Variants in AGAP3 observed in about 807,000 individuals in gnomAD.
AGAP3 encodes the protein arf-GAP with GTPase, ANK repeat and PH domain-containing protein 3.
In AGAP3, 24 loss-of-function variants were observed where a neutral mutation model predicts 96.9. That is an observed-to-expected ratio of 0.25 (90% CI 0.18 to 0.35). The LOEUF is 0.35. AGAP3 is among the 10% of genes least tolerant of loss of function. The pLI, the probability that AGAP3 is intolerant of heterozygous loss-of-function variation, is 1.00. For synonymous variants in AGAP3, 563 were observed against 536.1 expected (o/e 1.05, Z -0.69); for missense variants, 876 against 1,254.2 (o/e 0.70, Z 4.55).
In AGAP3 at chr7:151,116,833, C is replaced by A. The variant is rs368600470; in HGVS notation, c.372C>A (p.Ser124=). 6.2e-7 allele frequency: 1 copy of A among 1,613,960 alleles called. No homozygotes were observed. The highest frequency in any genetic ancestry group is 8.5e-7 in the Non-Finnish European group (1 of 1,180,012). ...VNSQEWTLSR[S]VPELKVGIVG... is the part of the protein sequence containing the mutation. ...GCCAGGAGTGGACGCTGAGCCGCTC[C>A]GTACCGGAGCTTAAAGTGGTGAGTG... is the stretch of plus-strand genomic sequence containing the variant. Residue 124 remains serine (S), a synonymous_variant, in exon 2 of 18, where the codon TCC becomes TCA. Coordinates refer to ENST00000397238, the MANE Select transcript of AGAP3 (RefSeq NM_031946.7).
At chr7:151,123,434 G>C (rs1461634538) in intron 8 of AGAP3, 4 of 1,121,370 alleles carry the variant, frequency 3.6e-6, no homozygotes, top group Non-Finnish European at 4.4e-6. Flanking sequence ...TGGACTTTGC[G>C]CTCCCGGTTG....
At chr7:151,124,661 C>T (rs1323197737) in intron 9 of AGAP3, among the ~76,000 whole-genome samples, 1 of 152,160 alleles carries the variant, frequency 6.6e-6, no homozygotes, top group African/African-American at 2.4e-5. Context: ...TGGCCAGAGC[C>T]CCTGAGCCTG....
At chr7:151,099,295 A>T (rs1798741098) in intron 1 of AGAP3, among the ~76,000 whole-genome samples, 1 of 150,820 alleles carries the variant, frequency 6.6e-6, no homozygotes, top group Admixed American at 6.6e-5. Flanking sequence ...GTGAGCCGAG[A>T]TCACGCCACT....
intron 8 of AGAP3, chr7:151,122,679 G>C: frequency 6.2e-7 from 1 of 1,611,310 alleles, no homozygotes; most frequent in Non-Finnish European, 8.5e-7. Context: ...CTTGTGCGGG[G>C]CTTGAGTATA....
chr7:151,130,224 C>T (rs1002933014), intron 10 of AGAP3, among the ~76,000 whole-genome samples: 1 of 152,182 alleles, frequency 6.6e-6, no homozygotes, highest in Admixed American at 6.5e-5. Context: ...TGTCTGTGCC[C>T]TCTGCCAACA....
intron 2 of AGAP3, 56 bp from the exon 3 acceptor site, chr7:151,117,039 G>T (rs1208179070): frequency 1.9e-6 from 3 of 1,565,098 alleles, no homozygotes; most frequent in Non-Finnish European, 2.6e-6. Context: ...TTCCTGCTGG[G>T]TCTTCTCCCT....
In AGAP3 at chr7:151,114,696, CCGGCCG is replaced by C; in HGVS notation, c.332-2091_332-2086del. 3.0e-6 allele frequency: 3 copies of C among 994,866 alleles called. No homozygotes were observed. Among genetic ancestry groups the C allele is most frequent in the South Asian group, 9.3e-5 (2 of 21,470 alleles). The allele number at this position is 994,866 out of a possible 1,614,324, so 61.6% of individuals were successfully genotyped here. On this transcript the variant is annotated intron_variant, in intron 1 of 17. Transcript: ENST00000397238. This position sits in a 1 kb window ranked among gnomAD's most constrained non-coding sequence, Gnocchi z 4.4. ...CCCAGAGGCCGGAGGTCCGTGCGCC[CCGGCCG>C]CGGCCCCGGCCCGGGCCCAGCCCCG...
chr7:151,133,037 C>T lies in AGAP3; in HGVS notation c.1327-1363C>T, dbSNP rs554928629. Among the ~76,000 whole-genome samples the T allele has an allele frequency of 5.3e-5, 8 of 152,232 alleles. No individual in the cohort carries two copies. In the East Asian group the frequency reaches 1.4e-3, roughly 26 times the overall value. On this transcript the variant is annotated intron_variant, in intron 10 of 17. Coordinates refer to ENST00000397238, the MANE Select transcript of AGAP3 (RefSeq NM_031946.7). The surrounding 1 kb of genome is among the most constrained non-coding windows in gnomAD (Gnocchi z 5.4). ...GCCGGGCTCCTCAGGGTAGGAGGAG[C>T]GCGTCTGGGAAGGCTCGTCGCACGG...
In AGAP3 at chr7:151,138,333, C is replaced by G. The variant is rs764650638; in HGVS notation, c.1666+20C>G. On this transcript the variant is annotated intron_variant, in intron 12 of 17. Coordinates refer to ENST00000397238, the MANE Select transcript of AGAP3 (RefSeq NM_031946.7). ...ACCCTGGTGAGTGGTGGCTCTGCTG[C>G]TTCCCACCTTTTCTGGGGCCCCAGT... 2 of 1,590,316 alleles carry G rather than the reference C, an allele frequency of 1.3e-6. No individual in the cohort carries two copies. The highest frequency in any genetic ancestry group is 1.7e-6 in the Non-Finnish European group (2 of 1,166,034).
In AGAP3 at chr7:151,108,241, C is replaced by A. The variant is rs1162550890; in HGVS notation, c.332-8552C>A. Among the ~76,000 whole-genome samples, 1 of 152,202 alleles carries A rather than the reference C, an allele frequency of 6.6e-6. No individual in the cohort carries two copies. Among genetic ancestry groups the A allele is most frequent in the Non-Finnish European group, 1.5e-5 (1 of 68,036 alleles). ...GTCCTGTCCACCATTGCACCCAGCACAGAGCTCATGGATAGACAGGAAAAC... is the reference window on the plus strand; with the variant it reads ...GTCCTGTCCACCATTGCACCCAGCAAAGAGCTCATGGATAGACAGGAAAAC... On this transcript the variant is annotated intron_variant, in intron 1 of 17. Transcript: ENST00000397238. This position sits in a 1 kb window ranked among gnomAD's most constrained non-coding sequence, Gnocchi z 4.2.
chr7:151,138,043 T>C (rs1800669073), intron 11 of AGAP3, 100 bp from the exon 12 acceptor site: 1 of 949,384 alleles, frequency 1.1e-6, no homozygotes, highest in Non-Finnish European at 1.6e-6. Context: ...CCCTGCTGAA[T>C]GTCTCAGGCT....
rs1800466499 is a variant in AGAP3 at position 151,133,248 on chromosome 7, A to G, written c.1327-1152A>G. ...ACTTTACCAAGGGCATTGGCTAGGA[A>G]TTGCCGTGGAGCTCAGGGACAGTGA... On this transcript the variant is annotated intron_variant, in intron 10 of 17. Transcript: ENST00000397238. The surrounding 1 kb of genome is among the most constrained non-coding windows in gnomAD (Gnocchi z 5.4). 2.0e-5 allele frequency among the ~76,000 whole-genome samples: 3 copies of G among 152,208 alleles called. No homozygotes were observed. Among genetic ancestry groups the G allele is most frequent in the African/African-American group, 7.2e-5 (3 of 41,448 alleles).
chr7:151,100,950 C>G (rs1798812773), intron 1 of AGAP3, among the ~76,000 whole-genome samples: 1 of 152,252 alleles, frequency 6.6e-6, no homozygotes, highest in Non-Finnish European at 1.5e-5. Context: ...GCAGCCCTGG[C>G]CTGGTGGGTG....
Position 151,144,268 on chromosome 7 carries a change from T to G in AGAP3, c.*325T>G. ...CCTAGTGCCAGCCCCTCACACGCCT[T>G]CATCCTGAAACAGGAAGAGGACGGC... is the stretch of plus-strand genomic sequence containing the variant. On this transcript the variant is annotated 3_prime_UTR_variant, in exon 18 of 18. Transcript: ENST00000397238. The G allele has an allele frequency of 2.8e-6, 1 of 360,438 alleles. No individual in the cohort carries two copies. Among genetic ancestry groups the G allele is most frequent in the East Asian group, 5.1e-5 (1 of 19,482 alleles). The allele number at this position is 360,438 out of a possible 1,614,324, so 22.3% of individuals were successfully genotyped here.
At chr7:151,115,353 C>T in intron 1 of AGAP3, 1 of 1,021,694 alleles carries the variant, frequency 9.8e-7, no homozygotes, top group Non-Finnish European at 1.2e-6. Flanking sequence ...CTTCCGCCTG[C>T]GCCGCGGCCA....
At chr7:151,120,172 C>T (rs1271443940) in intron 8 of AGAP3, 27 bp downstream of exon 8, 2 of 1,568,774 alleles carry the variant, frequency 1.3e-6, no homozygotes, top group African/African-American at 1.3e-5. Flanking sequence ...CTCCCCCGCC[C>T]AGCTGCCTTT....
intron 9 of AGAP3, among the ~76,000 whole-genome samples, 174 bp downstream of exon 9, chr7:151,124,060 T>C (rs1800050010): frequency 6.6e-6 from 1 of 152,114 alleles, no homozygotes; most frequent in South Asian, 2.1e-4. Flanking sequence ...GAAGCCACCT[T>C]CTCTGCGCCG....
rs565002134 is a variant in AGAP3 at position 151,139,563 on chromosome 7, A to G, written c.1667-416A>G. 89 of 156,348 alleles carry G rather than the reference A, an allele frequency of 5.7e-4. No homozygotes were observed. Among genetic ancestry groups the G allele is most frequent in the Non-Finnish European group, 1.0e-3 (74 of 70,926 alleles). The allele number at this position is 156,348 out of a possible 1,614,324, so 9.7% of individuals were successfully genotyped here. A position where few individuals can be genotyped will look rare whatever the true frequency, so the allele number is the denominator to read the frequency against. On this transcript the variant is annotated intron_variant, in intron 12 of 17. Transcript: ENST00000397238. This position sits in a 1 kb window ranked among gnomAD's most constrained non-coding sequence, Gnocchi z 4.9. Reference sequence around the variant, plus strand: ...GACGGAGCTTGATTAGCGCGCTCTAATTGACAGTAATTAGGCAGCTCCCTG... The same window carrying G: ...GACGGAGCTTGATTAGCGCGCTCTAGTTGACAGTAATTAGGCAGCTCCCTG...
At chr7:151,100,938 C>T (rs1798812082) in intron 1 of AGAP3, among the ~76,000 whole-genome samples, 1 of 152,270 alleles carries the variant, frequency 6.6e-6, no homozygotes, top group South Asian at 2.1e-4. Flanking sequence ...TCTGCTCTCC[C>T]TGCAGCCCTG....
Sources: allele counts gnomAD v4.1 joint callset (sites outside exome capture counted in the v4.1 genomes callset), GRCh38; gene constraint gnomAD v4.1.1; non-coding constraint Gnocchi (gnomAD v3.1); transcripts MANE v1.5; gene names NCBI Gene and HGNC (gene_info 2026-07-23, HGNC 2026-07-21).